OPCML: variants seen among roughly 807,000 people sequenced by gnomAD.
OPCML encodes opioid-binding protein/cell adhesion molecule.
OPCML carries 13 observed loss-of-function variants against 37.8 expected under a neutral mutation model. That is an observed-to-expected ratio of 0.34 (90% CI 0.22 to 0.55). The LOEUF (loss-of-function observed/expected upper bound fraction) is 0.55, where lower values mean the gene tolerates loss of function less well. OPCML is among the 20% of genes least tolerant of loss of function. The pLI is 0.91. For synonymous variants in OPCML, 176 were observed against 168.8 expected (o/e 1.04, Z -0.33); for missense variants, 341 against 435.6 (o/e 0.78, Z 1.93).
chr11:132,469,652 ATGTGTGTGGGGGTGTATG>A, intron 4 of OPCML, among the ~76,000 whole-genome samples: 1 of 52,588 alleles, frequency 1.9e-5, no homozygotes, highest in East Asian at 6.4e-4. Context: ...GTGGGGGTGT[ATGTGTGTGGGGGTGTATG>A]TGTGTGTATA....
At chr11:132,697,812 C>T (rs1396178017) in intron 2 of OPCML, among the ~76,000 whole-genome samples, 1 of 151,970 alleles carries the variant, frequency 6.6e-6, no homozygotes, top group African/African-American at 2.4e-5. Context: ...GTTGCCCAGG[C>T]TGGAGTGCAG....
chr11:133,278,721 C>T (rs1179866438), intron 1 of OPCML, among the ~76,000 whole-genome samples: 2 of 151,764 alleles, frequency 1.3e-5, no homozygotes, highest in Admixed American at 1.3e-4. Context: ...CAACAAACCT[C>T]ATCTTTTTAT....
At chr11:133,047,671 C>A (rs1948045092) in intron 1 of OPCML, among the ~76,000 whole-genome samples, 1 of 152,186 alleles carries the variant, frequency 6.6e-6, no homozygotes, top group Non-Finnish European at 1.5e-5. Flanking sequence ...TCCACCCCTC[C>A]TCCGTCTCTC....
At chr11:132,996,933 C>G (rs184684223) in intron 1 of OPCML, among the ~76,000 whole-genome samples, 1 of 152,192 alleles carries the variant, frequency 6.6e-6, no homozygotes, top group Non-Finnish European at 1.5e-5. Context: ...CCTAAGGGGC[C>G]GTCTCCTATT....
At chr11:132,808,728 A>G (rs1385211912) in intron 2 of OPCML, among the ~76,000 whole-genome samples, 1 of 152,072 alleles carries the variant, frequency 6.6e-6, no homozygotes, top group African/African-American at 2.4e-5. Context: ...ATTGTACTGA[A>G]TTTCTCTTGG....
chr11:133,167,964 G>C (rs2137234217), intron 1 of OPCML, among the ~76,000 whole-genome samples: 1 of 152,274 alleles, frequency 6.6e-6, no homozygotes, highest in African/African-American at 2.4e-5. Context: ...GCAGAAGACA[G>C]TGTCCCCCTT....
chr11:132,792,989 G>A (rs1257627281), intron 2 of OPCML, among the ~76,000 whole-genome samples: 2 of 152,194 alleles, frequency 1.3e-5, no homozygotes, highest in Non-Finnish European at 2.9e-5. Flanking sequence ...ACATGAGGCA[G>A]GCACTGTGAA....
chr11:132,712,914 G>A lies in OPCML; in HGVS notation c.147-55595C>T, dbSNP rs891741272. On this transcript the variant is annotated intron_variant, in intron 2 of 7. Coordinates refer to ENST00000524381, the MANE Select transcript of OPCML (RefSeq NM_001012393.5). ...AGCCCACGTCGGCTTAAGCCTCATC[G>A]CTCTTCATCACTGGAGCAGGCGATG... 6.4e-4 allele frequency among the ~76,000 whole-genome samples: 97 copies of A among 152,294 alleles called. 1 individual carries two copies. Among genetic ancestry groups the A allele is most frequent in the African/African-American group, 2.1e-3 (87 of 41,570 alleles).
chr11:132,763,358 C>T (rs1946331158), intron 2 of OPCML, among the ~76,000 whole-genome samples: 1 of 152,128 alleles, frequency 6.6e-6, no homozygotes, highest in African/African-American at 2.4e-5. Flanking sequence ...ACTAATTATA[C>T]ATATTAATAT....
intron 2 of OPCML, among the ~76,000 whole-genome samples, chr11:132,789,322 A>G (rs754445123): frequency 6.6e-6 from 1 of 152,248 alleles, no homozygotes; most frequent in African/African-American, 2.4e-5. Context: ...CAACAAATGC[A>G]TATGAATGTG....
At chr11:132,423,690 CT>C (rs2095967884) in intron 7 of OPCML, among the ~76,000 whole-genome samples, 1 of 152,192 alleles carries the variant, frequency 6.6e-6, no homozygotes, top group Admixed American at 6.5e-5. Context: ...TGGCCAAATG[CT>C]TTTCTGCTTT....
Position 132,957,174 on chromosome 11 carries a change from G to A in OPCML, c.62-14164C>T, listed in dbSNP as rs114737926. ...AAACAAAACAGTCCCTCTGGGTCAT[G>A]AGGCTCAAAATTTCCCATGATGGCA... On this transcript the variant is annotated intron_variant, in intron 1 of 7. Coordinates refer to ENST00000524381, the MANE Select transcript of OPCML (RefSeq NM_001012393.5). Among the ~76,000 whole-genome samples the A allele has an allele frequency of 7.3e-3, 1,104 of 152,246 alleles. 14 individuals carry two copies. Among genetic ancestry groups the A allele is most frequent in the African/African-American group, 0.025 (1,049 of 41,548 alleles).
chr11:133,216,730 A>C (rs554105), intron 1 of OPCML, among the ~76,000 whole-genome samples: 2 of 152,174 alleles, frequency 1.3e-5, no homozygotes, highest in Non-Finnish European at 2.9e-5. Context: ...AAATGCAAAG[A>C]CTATGGCTTA....
At chr11:133,500,193 A>G (rs1947881889) in intron 1 of OPCML, among the ~76,000 whole-genome samples, 1 of 152,112 alleles carries the variant, frequency 6.6e-6, no homozygotes, top group African/African-American at 2.4e-5. Flanking sequence ...CAAAGGATTA[A>G]TTCAATTCCA....
chr11:132,914,873 G>T (rs955105854), intron 2 of OPCML, among the ~76,000 whole-genome samples: 2 of 152,208 alleles, frequency 1.3e-5, no homozygotes, highest in African/African-American at 4.8e-5. Flanking sequence ...AAGAAGCTCT[G>T]TGTGGTCTTT....
At chr11:133,319,725 C>T (rs896610144) in intron 1 of OPCML, among the ~76,000 whole-genome samples, 2 of 152,144 alleles carry the variant, frequency 1.3e-5, no homozygotes, top group East Asian at 1.9e-4. Flanking sequence ...TCAAAAGAGA[C>T]GGACACAGCA....
chr11:133,064,185 G>C (rs1189690132), intron 1 of OPCML, among the ~76,000 whole-genome samples: 2 of 152,204 alleles, frequency 1.3e-5, no homozygotes, highest in Non-Finnish European at 2.9e-5. Flanking sequence ...CCGAGGGAGG[G>C]AAGGAGAGGA....
chr11:132,790,575 G>A (rs1937836341), intron 2 of OPCML, among the ~76,000 whole-genome samples: 1 of 152,340 alleles, frequency 6.6e-6, no homozygotes, highest in Admixed American at 6.5e-5. Flanking sequence ...TCTCAAGACT[G>A]TCTCAGTGAC....
intron 2 of OPCML, among the ~76,000 whole-genome samples, chr11:132,781,384 T>C (rs1947007163): frequency 6.6e-6 from 1 of 151,920 alleles, no homozygotes; most frequent in Non-Finnish European, 1.5e-5. Flanking sequence ...CTTTTCTTGC[T>C]TTTGGACTTG....
Sources: gnomAD v4.1 joint callset for allele counts (sites outside exome capture counted in the v4.1 genomes callset) on GRCh38, gnomAD v4.1.1 for gene constraint, MANE v1.5 for transcripts, NCBI Gene and HGNC (gene_info 2026-07-23, HGNC 2026-07-21) for gene names.